The following PAK3 variants were observed in gnomAD, a reference collection of about 807,000 sequenced individuals.
The protein encoded by PAK3 is serine/threonine-protein kinase PAK 3.
In PAK3, 4 loss-of-function variants were observed where a neutral mutation model predicts 41.0. The observed-to-expected ratio is 0.10, with a 90% confidence interval of 0.05 to 0.22. The LOEUF is 0.22. Ranked by LOEUF, PAK3 falls within the 10% of genes least tolerant of loss-of-function variation. The pLI, the probability that PAK3 is intolerant of heterozygous loss-of-function variation, is 1.00. For missense variants in PAK3, 205 were observed against 409.9 expected, an observed-to-expected ratio of 0.50 and a Z score of 4.32; for synonymous variants, 146 against 139.6, an observed-to-expected ratio of 1.05 and a Z score of -0.32.
intron 1 of PAK3, among the ~76,000 whole-genome samples, chrX:110,988,769 AT>A (rs2091591757): frequency 8.9e-6 from 1 of 112,016 alleles, no homozygotes; most frequent in Admixed American, 9.5e-5. Context: ...ATATCATATA[AT>A]GGCCCTGGCC....
At chrX:111,043,401 C>T (rs915522239) in intron 1 of PAK3, among the ~76,000 whole-genome samples, 1 of 111,756 alleles carries the variant, frequency 8.9e-6, no homozygotes, top group African/African-American at 3.3e-5. Flanking sequence ...AGTCTCACTC[C>T]GTTTCTTCAA....
chrX:110,997,703 G>T (rs1433036158), intron 1 of PAK3, among the ~76,000 whole-genome samples: 2 of 111,725 alleles, frequency 1.8e-5, no homozygotes, highest in East Asian at 5.7e-4. Context: ...ATGTGCAGCT[G>T]TGGTCTGAAA....
intron 1 of PAK3, among the ~76,000 whole-genome samples, chrX:111,034,885 G>A (rs920012569): frequency 1.8e-5 from 2 of 109,833 alleles, no homozygotes; most frequent in African/African-American, 6.7e-5. Context: ...TAGAAGGCTT[G>A]AGCTCAGGAG....
chrX:110,967,342 G>A (rs149057490), intron 1 of PAK3, among the ~76,000 whole-genome samples: 21 of 112,396 alleles, frequency 1.9e-4, no homozygotes, highest in South Asian at 3.7e-4. Context: ...GAGGTGTCAC[G>A]TGCAAGATTC....
chrX:111,146,366 CCT>C (rs1213685975), intron 6 of PAK3, among the ~76,000 whole-genome samples: 1 of 111,480 alleles, frequency 9.0e-6, no homozygotes, highest in Non-Finnish European at 1.9e-5. Flanking sequence ...CTGTCCTGTC[CCT>C]GATTTAGTTA....
At chrX:110,970,289 G>T (rs1428539570) in intron 1 of PAK3, among the ~76,000 whole-genome samples, 1 of 111,435 alleles carries the variant, frequency 9.0e-6, no homozygotes, top group African/African-American at 3.3e-5. Flanking sequence ...TAAGTTCCTT[G>T]TAGATTCTAG....
At chrX:111,045,344 T>C (rs1420940411) in intron 1 of PAK3, among the ~76,000 whole-genome samples, 1 of 112,703 alleles carries the variant, frequency 8.9e-6, no homozygotes, top group Non-Finnish European at 1.9e-5. Context: ...GCCAGAATTA[T>C]GTCATATTTT....
rs550468195 is a variant in PAK3, at chrX:111,010,344, G to A, written c.-28+65716G>A. ...CTGTGATAACCCCGGGAAGCTGCAA[G>A]TTCTTCTAGCCAAATCAAATCCTTG... is the stretch of plus-strand genomic sequence containing the variant. On this transcript the variant is annotated intron_variant, in intron 1 of 14. Transcript: ENST00000425146. Among the ~76,000 whole-genome samples the A allele has an allele frequency of 1.1e-3, 121 of 111,690 alleles. 1 individual carries two copies. The highest frequency in any genetic ancestry group is 6.1e-3 in the South Asian group (16 of 2,627).
intron 1 of PAK3, among the ~76,000 whole-genome samples, chrX:111,066,477 G>A (rs956568913): frequency 8.9e-6 from 1 of 111,973 alleles, no homozygotes; most frequent in Admixed American, 9.5e-5. Context: ...CACTTGCTAT[G>A]GCCAAGCATG....
intron 1 of PAK3, among the ~76,000 whole-genome samples, chrX:110,991,631 TA>T (rs1249588524): frequency 2.7e-5 from 3 of 112,484 alleles, no homozygotes; most frequent in Non-Finnish European, 5.6e-5. Context: ...AGTTGACCAT[TA>T]AGGTAATATG....
At position 110,953,025 on chromosome X, in the gene PAK3, G is replaced by A. The variant is rs1372924940; in HGVS notation, c.-28+8397G>A. On this transcript the variant is annotated intron_variant, in intron 1 of 14. Coordinates refer to the PAK3 transcript ENST00000425146. ...TATGATACATTTATACTTTTTGATG[G>A]TTACAAGTGGAAAGGTCATCTTTCT... 2.7e-5 allele frequency among the ~76,000 whole-genome samples: 3 copies of A among 111,994 alleles called. No homozygotes were observed. The East Asian group carries it at 8.3e-4, about 31-fold the overall frequency.
intron 1 of PAK3, among the ~76,000 whole-genome samples, chrX:111,002,995 G>A (rs184451421): frequency 1.2e-4 from 13 of 112,000 alleles, no homozygotes; most frequent in African/African-American, 3.6e-4. Context: ...TGGGGCTGGG[G>A]CCCTACAATG....
chrX:110,977,288 C>T (rs1300194514), intron 1 of PAK3, among the ~76,000 whole-genome samples: 1 of 109,968 alleles, frequency 9.1e-6, no homozygotes, highest in Non-Finnish European at 1.9e-5. Flanking sequence ...GATTATTGTA[C>T]CTTTGTAGTA....
intron 16 of PAK3, among the ~76,000 whole-genome samples, chrX:111,210,150 C>T (rs2094803155): frequency 9.0e-6 from 1 of 111,394 alleles, no homozygotes; most frequent in Non-Finnish European, 1.9e-5. Flanking sequence ...GTATTTCTAA[C>T]ATTATAAATA....
At chrX:111,155,500 CAA>C (rs369169590) in intron 8 of PAK3, among the ~76,000 whole-genome samples, 5 of 54,158 alleles carry the variant, frequency 9.2e-5, no homozygotes, top group Admixed American at 2.2e-4. Flanking sequence ...AACCCTGTCT[CAA>C]AAAAAAAAAA....
intron 11 of PAK3, among the ~76,000 whole-genome samples, chrX:111,181,349 G>A (rs1318910331): frequency 9.0e-6 from 1 of 110,909 alleles, no homozygotes; most frequent in African/African-American, 3.3e-5. Flanking sequence ...TATATATCTG[G>A]GCAAAGGAAT....
chrX:111,220,945 C>CAAAAAAAAAAAAAAAAAAAAAAAAAGAAA lies in PAK3; in HGVS notation c.*515_*516insAAAAAAAAGAAAAAAAAAAAAAAAAAAAA. ...AAAAAAGAAAGCAAAAAAAGCAAGGCAAAAAAAAAAAAAAAAACAAACAAA... is the reference window on the plus strand; with the variant it reads ...AAAAAAGAAAGCAAAAAAAGCAAGGCAAAAAAAAAAAAAAAAAAAAAAAAAGAAAAAAAAAAAAAAAAAAAACAAACAAA... On this transcript the variant is annotated 3_prime_UTR_variant, in exon 18 of 18. Coordinates refer to ENST00000372007, the MANE Select transcript of PAK3 (RefSeq NM_002578.5). 4.0e-5 allele frequency: 2 copies of CAAAAAAAAAAAAAAAAAAAAAAAAAGAAA among 49,447 alleles called. No individual in the cohort carries two copies. Among genetic ancestry groups the CAAAAAAAAAAAAAAAAAAAAAAAAAGAAA allele is most frequent in the African/African-American group, 1.7e-4 (2 of 11,723 alleles). 4.1% of individuals were successfully genotyped at this position (49,447 alleles called of 1,213,427 possible).
At chrX:111,160,664 T>C (rs1350394665) in intron 8 of PAK3, among the ~76,000 whole-genome samples, 1 of 109,773 alleles carries the variant, frequency 9.1e-6, no homozygotes, top group Non-Finnish European at 1.9e-5. Flanking sequence ...CCCCTTCCTG[T>C]GTCCATGTGT....
At chrX:110,977,978 C>A (rs942997050) in intron 1 of PAK3, among the ~76,000 whole-genome samples, 7 of 112,137 alleles carry the variant, frequency 6.2e-5, no homozygotes, top group African/African-American at 2.3e-4. Context: ...AGGGGGAAAT[C>A]TTTTAGTCTT....
Sources: gnomAD v4.1 joint callset for allele counts (sites outside exome capture counted in the v4.1 genomes callset) on GRCh38, gnomAD v4.1.1 for gene constraint, MANE v1.5 for transcripts, NCBI Gene and HGNC (gene_info 2026-07-23, HGNC 2026-07-21) for gene names.